ATP5F1C: variants seen among roughly 807,000 people sequenced by gnomAD.
ATP5F1C encodes the protein ATP synthase F(1) complex subunit gamma, mitochondrial.
In ATP5F1C, 22 loss-of-function variants were observed where a neutral mutation model predicts 37.4. The observed-to-expected ratio is 0.59, with a 90% CI of 0.42 to 0.84. ATP5F1C has a LOEUF of 0.84. Among genes scored for constraint, ATP5F1C ranks in the 40% least tolerant of loss-of-function variants. ATP5F1C has a pLI of 0.00. For missense variants in ATP5F1C, 286 were observed against 362.4 expected (o/e 0.79, Z 1.71); for synonymous variants, 121 against 128.0 (o/e 0.95, Z 0.37).
intron 1 of ATP5F1C, among the ~76,000 whole-genome samples, chr10:7,795,481 G>A (rs1836223084): frequency 1.3e-5 from 2 of 151,848 alleles, no homozygotes; most frequent in Admixed American, 1.3e-4. Context: ...CTGCACATTA[G>A]CATTTCAATT....
Position 7,796,131 on chromosome 10 carries a change from C to T in ATP5F1C, c.67C>T (p.Arg23Ter), listed in dbSNP as rs1436478284. The T allele has an allele frequency of 5.7e-6, 9 of 1,588,260 alleles. No homozygotes were observed. The highest frequency in any genetic ancestry group is 7.7e-6 in the Non-Finnish European group (9 of 1,171,500). The change falls in exon 2 of 10, where the codon CGA becomes TGA. Residue 23 changes from arginine (R) to a stop codon, truncating the protein, a stop_gained. Coordinates refer to ENST00000356708, the MANE Select transcript of ATP5F1C (RefSeq NM_001001973.3). LOFTEE classifies it high-confidence loss of function. ...WTLQPQWIQV[R>*]NMATLKDITR... ...AACTTTTATCCTCAGGATTCAAGTT[C>T]GAAATATGGCAACTTTGAAAGATAG...
intron 2 of ATP5F1C, 144 bp downstream of exon 2, chr10:7,796,299 T>C (rs370538444): frequency 1.5e-6 from 1 of 664,870 alleles, no homozygotes; most frequent in Non-Finnish European, 2.4e-6. Flanking sequence ...GTTTGGGACA[T>C]TGGACTTGTT....
intron 1 of ATP5F1C, among the ~76,000 whole-genome samples, chr10:7,792,534 G>C (rs998479657): frequency 4.6e-5 from 7 of 152,244 alleles, no homozygotes; most frequent in African/African-American, 1.7e-4. Context: ...CCAAAACCCT[G>C]ACAACCACTT....
At chr10:7,803,811 G>A (rs540265641) in intron 8 of ATP5F1C, among the ~76,000 whole-genome samples, 21 of 152,320 alleles carry the variant, frequency 1.4e-4, no homozygotes, top group Non-Finnish European at 2.1e-4. Flanking sequence ...AAAACGTGTA[G>A]TAAGTTCTTT....
Position 7,799,190 on chromosome 10 carries a change from T to C in ATP5F1C, c.424T>C (p.Tyr142His), listed in dbSNP as rs767576694. ...TGGTGACAAAATCAGAGGCATACTT[T>C]ATAGGTAATTTAAATATATATTGTT... ...GIGDKIRGIL[Y>H]RTHSDQFLVA... Residue 142 changes from tyrosine (Y) to histidine (H), a missense_variant, in exon 4 of 10, where the codon TAT becomes CAT. By Grantham distance (83) the Tyr-to-His change is moderately conservative (BLOSUM62 2). Transcript: ENST00000356708. The C allele has an allele frequency of 5.0e-6, 8 of 1,612,694 alleles. No homozygotes were observed. The Admixed American group carries it at 1.2e-4, about 24-fold the overall frequency.
chr10:7,796,924 G>GC (rs1278209768), intron 2 of ATP5F1C, 123 bp from the exon 3 acceptor site: 24 of 1,090,568 alleles, frequency 2.2e-5, no homozygotes, highest in Non-Finnish European at 3.0e-5. Flanking sequence ...TTAGCATCGT[G>GC]CTGTTTATTG....
rs138632778 is a variant in ATP5F1C, at chr10:7,798,596, G to A, written c.224-394G>A. On this transcript the variant is annotated intron_variant, in intron 3 of 9. Transcript: ENST00000356708. ...TAATTTTTTTGTATTTTTTAGTAGA[G>A]ACGGGGTTTCACCGTGGTCTTGATA... 4.1e-3 allele frequency among the ~76,000 whole-genome samples: 627 copies of A among 152,278 alleles called. 4 individuals carry two copies. Among genetic ancestry groups the A allele is most frequent in the Non-Finnish European group, 7.3e-3 (499 of 68,030 alleles).
intron 4 of ATP5F1C, 21 bp downstream of exon 4, chr10:7,799,215 T>C: frequency 6.3e-7 from 1 of 1,593,066 alleles, no homozygotes; most frequent in Non-Finnish European, 8.6e-7. Flanking sequence ...TATATATTGT[T>C]TATTTTCATA....
chr10:7,788,338 A>G (rs1836088076), intron 1 of ATP5F1C, 75 bp downstream of exon 1: 1 of 1,573,156 alleles, frequency 6.4e-7, no homozygotes, highest in Non-Finnish European at 8.6e-7. Flanking sequence ...GGAGGAGGAG[A>G]TGGGCGCGGG....
intron 2 of ATP5F1C, 180 bp downstream of exon 2, chr10:7,796,335 C>A: frequency 2.0e-6 from 1 of 489,552 alleles, no homozygotes. Context: ...AGAAAGGACA[C>A]CTGAGACAGC....
chr10:7,807,726 G>A lies in ATP5F1C; in HGVS notation c.*98G>A. The A allele has an allele frequency of 3.2e-6, 5 of 1,547,664 alleles. No individual in the cohort carries two copies. Among genetic ancestry groups the A allele is most frequent in the Non-Finnish European group, 4.4e-6 (5 of 1,135,474 alleles). On this transcript the variant is annotated 3_prime_UTR_variant, in exon 10 of 10. Transcript: ENST00000356708. ...ACTGCTGCCTTTGTCCGAAGAAACT[G>A]TTCCTCCATTATTTGAATTACTGAA...
chr10:7,794,089 T>C (rs947133600), intron 1 of ATP5F1C, among the ~76,000 whole-genome samples: 2 of 152,188 alleles, frequency 1.3e-5, no homozygotes, highest in African/African-American at 4.8e-5. Context: ...ATTTTTAAAA[T>C]TGTAAAACAC....
At chr10:7,789,644 A>C (rs908210977) in intron 1 of ATP5F1C, among the ~76,000 whole-genome samples, 8 of 152,184 alleles carry the variant, frequency 5.3e-5, no homozygotes, top group Non-Finnish European at 1.0e-4. Flanking sequence ...GTTTCCTGGG[A>C]CAGTGCCTGG....
At chr10:7,792,133 C>T (rs1836173677) in intron 1 of ATP5F1C, among the ~76,000 whole-genome samples, 2 of 152,342 alleles carry the variant, frequency 1.3e-5, no homozygotes, top group Admixed American at 1.3e-4. Context: ...ACTGGTATTA[C>T]TTTTCAAGTG....
At chr10:7,800,314 G>C (rs967138364) in intron 6 of ATP5F1C, among the ~76,000 whole-genome samples, 1 of 152,004 alleles carries the variant, frequency 6.6e-6, no homozygotes, top group African/African-American at 2.4e-5. Context: ...TCCTGCCTCA[G>C]CCTCCCTAGT....
At chr10:7,800,112 A>G (rs1836326622) in intron 6 of ATP5F1C, 21 bp downstream of exon 6, 4 of 1,609,660 alleles carry the variant, frequency 2.5e-6, no homozygotes, top group Middle Eastern at 1.7e-4. Flanking sequence ...TTTCTATGAT[A>G]CATATTTTTT....
intron 6 of ATP5F1C, 118 bp downstream of exon 6, chr10:7,800,209 T>G (rs930253519): frequency 1.3e-5 from 14 of 1,087,952 alleles, no homozygotes; most frequent in South Asian, 2.7e-5. Flanking sequence ...TGGGGCTGTT[T>G]CTTTTTTAGA....
Position 7,799,207 on chromosome 10 carries a change from T to C in ATP5F1C, c.428+13T>C. ...GCATACTTTATAGGTAATTTAAATA[T>C]ATATTGTTTATTTTCATAAAGATGT... On this transcript the variant is annotated intron_variant, in intron 4 of 9. Transcript: ENST00000356708. The C allele has an allele frequency of 6.3e-7, 1 of 1,599,614 alleles. No individual in the cohort carries two copies. The highest frequency in any genetic ancestry group is 1.3e-5 in the African/African-American group (1 of 74,114).
At chr10:7,790,344 A>C (rs1023061017) in intron 1 of ATP5F1C, among the ~76,000 whole-genome samples, 1 of 152,252 alleles carries the variant, frequency 6.6e-6, no homozygotes, top group African/African-American at 2.4e-5. Flanking sequence ...TTATTTTAAT[A>C]GTTGTTAGGG....
Sources: allele counts gnomAD v4.1 joint callset (sites outside exome capture counted in the v4.1 genomes callset), GRCh38; gene constraint gnomAD v4.1.1; transcripts MANE v1.5; gene names NCBI Gene and HGNC (gene_info 2026-07-23, HGNC 2026-07-21).